Variants in CACFD1 observed in about 807,000 individuals in gnomAD.
CACFD1 encodes the protein calcium channel flower domain containing 1, also known as calcium channel flower homolog.
CACFD1 carries 26 observed loss-of-function variants against 21.3 expected under a neutral mutation model. That is an observed-to-expected ratio of 1.22 (90% CI 0.89 to 1.69). The LOEUF is 1.69. CACFD1 is among the 40% of genes most tolerant of loss of function. The pLI is 0.00. For missense variants in CACFD1, 265 were observed against 236.2 expected, an observed-to-expected ratio of 1.12 and a Z score of -0.80; for synonymous variants, 121 against 106.6, an observed-to-expected ratio of 1.13 and a Z score of -0.83.
Position 133,463,414 on chromosome 9 carries a change from C to T in CACFD1, c.122-69C>T, listed in dbSNP as rs587656259. 5 of 1,610,256 alleles carry T rather than the reference C, an allele frequency of 3.1e-6. No individual in the cohort carries two copies. The East Asian group carries it at 8.9e-5, about 29-fold the overall frequency. On this transcript the variant is annotated intron_variant, in intron 1 of 4. Transcript: ENST00000316948. The stretch of plus-strand genomic sequence containing the variant: ...GACTCTCGTCCTTTCCAGTCATCTC[C>T]CAAGGCCGCCTTCCCAGCGGGCTCC...
At position 133,460,041 on chromosome 9, in the gene CACFD1, TGTG is replaced by T. The variant is rs1432754040; in HGVS notation, c.-25_-23del. 1.2e-5 allele frequency: 19 copies of T among 1,538,900 alleles called. No homozygotes were observed. The highest frequency in any genetic ancestry group is 1.7e-5 in the Non-Finnish European group (19 of 1,143,872). On this transcript the variant is annotated 5_prime_UTR_variant, in exon 1 of 5. Coordinates refer to ENST00000316948, the MANE Select transcript of CACFD1 (RefSeq NM_017586.5). ...CGGCTACCGAGCCCTTTGTGAGGGC[TGTG>T]AGCTGCGCCTGACGGTGGCACCATG...
chr9:133,464,827 T>C (rs1588227736), intron 2 of CACFD1, among the ~76,000 whole-genome samples: 1 of 152,282 alleles, frequency 6.6e-6, no homozygotes, highest in South Asian at 2.1e-4. Context: ...TCTCCGTGAC[T>C]GTTTTGGGAC....
chr9:133,468,781 C>G lies in CACFD1; in HGVS notation c.*128C>G. ...TGCACGTGTCCCTACACCTGGAGTC[C>G]TCTGCTCCTTTCTCCAGACTGGCTT... is the stretch of plus-strand genomic sequence containing the variant. On this transcript the variant is annotated 3_prime_UTR_variant, in exon 5 of 5. Transcript: ENST00000316948. 2.8e-6 allele frequency: 4 copies of G among 1,408,242 alleles called. No homozygotes were observed. The highest frequency in any genetic ancestry group is 3.7e-6 in the Non-Finnish European group (4 of 1,073,546). The allele number at this position is 1,408,242 out of a possible 1,614,324, so 87.2% of individuals were successfully genotyped here.
intron 1 of CACFD1, among the ~76,000 whole-genome samples, chr9:133,460,767 GCCGCGGGGCAGTGAGCTGAGGGC>G (rs1843167385): frequency 6.6e-6 from 1 of 152,322 alleles, no homozygotes; most frequent in Admixed American, 6.5e-5. Context: ...GGCCCCTGGG[GCCGCGGGGCAGTGAGCTGAGGGC>G]CCGGCCTCTC....
intron 2 of CACFD1, 115 bp downstream of exon 2, chr9:133,463,670 C>T (rs1843314211): frequency 7.4e-6 from 8 of 1,086,732 alleles, no homozygotes; most frequent in South Asian, 4.1e-5. Flanking sequence ...TTGTGGTTGC[C>T]ATGGCTACTG....
intron 1 of CACFD1, chr9:133,462,368 C>A (rs587750540): frequency 8.9e-7 from 1 of 1,122,868 alleles, no homozygotes; most frequent in African/African-American, 1.6e-5. Context: ...CAGTGCAACG[C>A]TTGAGTCCTT....
chr9:133,468,589 T>C lies in CACFD1; in HGVS notation c.455T>C (p.Ile152Thr). Residue 152 changes from isoleucine (I) to threonine (T), a missense_variant, in exon 5 of 5, where the codon ATC (isoleucine) becomes ACC (threonine). Transcript: ENST00000316948. ...GGCGATGCGATCTCCTATGCCAGGA[T>C]CCAGCAGCAGAGGCAGCAGGCGGAT... ...KKGDAISYARIQQQRQQADEE... is the reference protein window; with the variant it reads ...KKGDAISYARTQQQRQQADEE... 1 of 1,590,554 alleles carries C rather than the reference T, an allele frequency of 6.3e-7. No homozygotes were observed. Among genetic ancestry groups the C allele is most frequent in the Admixed American group, 1.8e-5 (1 of 55,724 alleles).
In CACFD1 at chr9:133,465,534, C is replaced by T; in HGVS notation, c.320+87C>T. 7.8e-7 allele frequency: 1 copy of T among 1,277,262 alleles called. No individual in the cohort carries two copies. The highest frequency in any genetic ancestry group is 1.1e-6 in the Non-Finnish European group (1 of 908,630). The allele number at this position is 1,277,262 out of a possible 1,614,324, so 79.1% of individuals were successfully genotyped here. On this transcript the variant is annotated intron_variant, in intron 3 of 4. Transcript: ENST00000316948. This position sits in a 1 kb window ranked among gnomAD's most constrained non-coding sequence, Gnocchi z 5.0. ...GACCCAAAAGTCAGGTGAGGGTGGG[C>T]AGTGTATTCAGTTCCTCTCTGTGGA... is the stretch of plus-strand genomic sequence containing the variant.
In CACFD1 at chr9:133,465,548, C is replaced by T. The variant is rs1295337287; in HGVS notation, c.320+101C>T. ...GTGAGGGTGGGCAGTGTATTCAGTT[C>T]CTCTCTGTGGAAGTGTAAACTGGGA... is the stretch of plus-strand genomic sequence containing the variant. On this transcript the variant is annotated intron_variant, in intron 3 of 4. Coordinates refer to ENST00000316948, the MANE Select transcript of CACFD1 (RefSeq NM_017586.5). The surrounding 1 kb of genome is among the most constrained non-coding windows in gnomAD (Gnocchi z 5.0). 3.3e-6 allele frequency: 4 copies of T among 1,213,224 alleles called. No individual in the cohort carries two copies. The highest frequency in any genetic ancestry group is 4.7e-6 in the Non-Finnish European group (4 of 859,440). The allele number at this position is 1,213,224 out of a possible 1,614,324, so 75.2% of individuals were successfully genotyped here. A position where few individuals can be genotyped will look rare whatever the true frequency, so the allele number is the denominator to read the frequency against.
At position 133,465,279 on chromosome 9, in the gene CACFD1, G is replaced by C; in HGVS notation, c.195-43G>C. 6.2e-7 allele frequency: 1 copy of C among 1,611,438 alleles called. No homozygotes were observed. On this transcript the variant is annotated intron_variant, in intron 2 of 4. Transcript: ENST00000316948. This position sits in a 1 kb window ranked among gnomAD's most constrained non-coding sequence, Gnocchi z 5.0. ...CACTGGGGGCCGCCCTCATCCTCCT[G>C]GGATTGTCAGTCGCTGCTCTTCTCC...
intron 3 of CACFD1, among the ~76,000 whole-genome samples, chr9:133,466,016 C>T (rs1554799468): frequency 6.6e-6 from 1 of 152,164 alleles, no homozygotes; most frequent in East Asian, 1.9e-4. Flanking sequence ...TAGAATAATG[C>T]CTCTAGTGCA....
chr9:133,460,175 C>A lies in CACFD1; in HGVS notation c.109C>A (p.Leu37Met). The A allele has an allele frequency of 6.4e-7, 1 of 1,553,932 alleles. No homozygotes were observed. The highest frequency in any genetic ancestry group is 1.2e-5 in the South Asian group (1 of 84,734). ...CTGGCTGTGTCGCCTGTCTGGGGTG[C>A]TGGGGGCAGTCTGTGAGTATCCAGT... is the stretch of plus-strand genomic sequence containing the variant. Reference protein sequence around the residue: ...YRWLCRLSGVLGAVSCAISGL... With the variant: ...YRWLCRLSGVMGAVSCAISGL... The change falls in exon 1 of 5, where the codon CTG becomes ATG. Residue 37 changes from leucine to methionine, a missense_variant. Coordinates refer to ENST00000316948, the MANE Select transcript of CACFD1 (RefSeq NM_017586.5).
At chr9:133,467,893 G>A in intron 3 of CACFD1, 28 bp from the exon 4 acceptor site, 5 of 1,528,982 alleles carry the variant, frequency 3.3e-6, no homozygotes, top group South Asian at 2.2e-5. Flanking sequence ...GGGCCGGAGT[G>A]CCCCCTTGAC....
rs565448328 is a variant in CACFD1, at chr9:133,469,936, TGGGAGTGGCATCTGAGGCC to T, written c.*1303_*1321del. On this transcript the variant is annotated 3_prime_UTR_variant, in exon 5 of 5. Transcript: ENST00000316948. ...TCTCGGGCCCATCTGCGTCTGAGGC[TGGGAGTGGCATCTGAGGCC>T]GGGAGTGGCATCTGAGGCCAGGAGT... The T allele has an allele frequency of 0.13, 20,244 of 152,450 alleles. 1,714 individuals carry two copies. The highest frequency in any genetic ancestry group is 0.31 in the East Asian group (1,602 of 5,142). 9.4% of individuals were successfully genotyped at this position (152,450 alleles called of 1,614,324 possible).
At chr9:133,463,646 G>A (rs938611250) in intron 2 of CACFD1, 91 bp downstream of exon 2, 2 of 1,354,102 alleles carry the variant, frequency 1.5e-6, no homozygotes, top group Non-Finnish European at 2.1e-6. Flanking sequence ...CAGGGGCCGT[G>A]GGAGTGGGCA....
At position 133,468,664 on chromosome 9, in the gene CACFD1, G is replaced by A. The variant is rs867108595; in HGVS notation, c.*11G>A. 1.5e-5 allele frequency: 24 copies of A among 1,560,080 alleles called. No homozygotes were observed. The highest frequency in any genetic ancestry group is 1.2e-4 in the Admixed American group (6 of 51,854). Reference sequence around the variant, plus strand: ...GAGGGGGAGCTGTGAAGGGCTGGGCGCCCCTCCCTCCCTGTCCCCTCTTCT... The same window carrying A: ...GAGGGGGAGCTGTGAAGGGCTGGGCACCCCTCCCTCCCTGTCCCCTCTTCT... On this transcript the variant is annotated 3_prime_UTR_variant, in exon 5 of 5. Coordinates refer to ENST00000316948, the MANE Select transcript of CACFD1 (RefSeq NM_017586.5).
chr9:133,468,581 T>G lies in CACFD1; in HGVS notation c.447T>G (p.Tyr149Ter). The change falls in exon 5 of 5, where the codon TAT (tyrosine) becomes TAG (stop). Residue 149 changes from tyrosine (Y) to a stop codon, truncating the protein, a stop_gained. Coordinates refer to ENST00000316948, the MANE Select transcript of CACFD1 (RefSeq NM_017586.5). LOFTEE classifies it high-confidence loss of function. ...ALGKKGDAIS[Y>*]ARIQQQRQQA... ...TCCCCAGGGGCGATGCGATCTCCTA[T>G]GCCAGGATCCAGCAGCAGAGGCAGC... 6.3e-7 allele frequency: 1 copy of G among 1,587,214 alleles called. No individual in the cohort carries two copies. The highest frequency in any genetic ancestry group is 8.6e-7 in the Non-Finnish European group (1 of 1,168,772).
chr9:133,463,614 A>C (rs587694622), intron 2 of CACFD1, 59 bp downstream of exon 2: 16 of 1,559,296 alleles, frequency 1.0e-5, no homozygotes, highest in Admixed American at 1.0e-4. Context: ...TCTGCTGGGC[A>C]CCTCCCGGGA....
chr9:133,468,335 T>C, intron 4 of CACFD1: 1 of 1,535,224 alleles, frequency 6.5e-7, no homozygotes, highest in Non-Finnish European at 8.7e-7. Flanking sequence ...CCCTCTCTCC[T>C]GCAGAGCCCA....
Sources: gnomAD v4.1 joint callset for allele counts (sites outside exome capture counted in the v4.1 genomes callset) on GRCh38, gnomAD v4.1.1 for gene constraint, Gnocchi (gnomAD v3.1) non-coding constraint, MANE v1.5 for transcripts, NCBI Gene and HGNC (gene_info 2026-07-23, HGNC 2026-07-21) for gene names.